The following SLC4A9 variants were observed in gnomAD, a reference collection of about 807,000 sequenced individuals.
SLC4A9 encodes the protein solute carrier family 4 member 9.
SLC4A9 carries 102 observed loss-of-function variants against 103.2 expected under a neutral mutation model. The observed-to-expected ratio is 0.99, with a 90% CI of 0.84 to 1.17. SLC4A9 has a LOEUF of 1.17. Ranked by LOEUF, SLC4A9 falls within the 50% of genes most tolerant of loss-of-function variation. The pLI is 0.00. For synonymous variants in SLC4A9, 453 were observed against 483.6 expected (o/e 0.94, Z 0.83); for missense variants, 1,091 against 1,193.7 (o/e 0.91, Z 1.27).
At chr5:140,370,464 C>CAAA (rs397976586) in intron 17 of SLC4A9, among the ~76,000 whole-genome samples, 168 of 90,898 alleles carry the variant, frequency 1.8e-3, no homozygotes, top group African/African-American at 6.4e-3. Context: ...AACTCCACCT[C>CAAA]AAAAAAAAAA....
chr5:140,361,268 G>T lies in SLC4A9; in HGVS notation c.406G>T (p.Val136Leu). The T allele has an allele frequency of 6.4e-7, 1 of 1,565,628 alleles. No individual in the cohort carries two copies. The highest frequency in any genetic ancestry group is 1.9e-5 in the Admixed American group (1 of 52,730). The change falls in exon 3 of 22, where the codon GTG (valine) becomes TTG (leucine). Residue 136 changes from valine (V) to leucine (L), a missense_variant. Physicochemically the swap from Val to Leu is conservative, Grantham distance 32. Transcript: ENST00000506757. ...LLELVEQVTRVESLSPELRGQ... is the reference protein window; with the variant it reads ...LLELVEQVTRLESLSPELRGQ... ...CCATTCTCCAGAGCAGGTGACCAGG[G>T]TGGAGTCGCTGAGCCCAGAGCTGAG... is the stretch of plus-strand genomic sequence containing the variant.
intron 21 of SLC4A9, among the ~76,000 whole-genome samples, chr5:140,374,507 A>T (rs1266298655): frequency 7.8e-6 from 1 of 127,594 alleles, no homozygotes; most frequent in African/African-American, 3.0e-5. Context: ...CCGAGATTGC[A>T]CCATTGCACT....
intron 2 of SLC4A9, 65 bp downstream of exon 2, chr5:140,361,037 C>A: frequency 7.0e-7 from 1 of 1,437,520 alleles, no homozygotes. Flanking sequence ...ATTTCCCCTC[C>A]AAAGTCTTGA....
At chr5:140,370,043 C>T (rs550063263) in intron 17 of SLC4A9, among the ~76,000 whole-genome samples, 1 of 151,968 alleles carries the variant, frequency 6.6e-6, no homozygotes, top group Non-Finnish European at 1.5e-5. Flanking sequence ...AACAGAAAAC[C>T]CTAAACAAAA....
At position 140,362,247 on chromosome 5, in the gene SLC4A9, G is replaced by T. The variant is rs1767198311; in HGVS notation, c.719+73G>T. The T allele has an allele frequency of 2.8e-6, 4 of 1,423,898 alleles. No homozygotes were observed. The African/African-American group carries it at 5.8e-5, about 21-fold the overall frequency. 88.2% of individuals were successfully genotyped at this position (1,423,898 alleles called of 1,614,324 possible). On this transcript the variant is annotated intron_variant, in intron 5 of 21. Coordinates refer to ENST00000506757, the MANE Select transcript of SLC4A9 (RefSeq NM_031467.3). ...GGTCTTTACTGAGGAGGGGAAGGAG[G>T]GTCTCAGTCTGATTCTCTGAGGCTG...
chr5:140,364,713 G>A, intron 11 of SLC4A9, 88 bp downstream of exon 11: 1 of 1,489,614 alleles, frequency 6.7e-7, no homozygotes, highest in Non-Finnish European at 9.0e-7. Flanking sequence ...CCCTGGTTAA[G>A]TTCAGCAAAA....
rs756896762 is a variant in SLC4A9 at position 140,364,203 on chromosome 5, C to G, written c.1388+16C>G. ...CTTTCAGCAGGTAGGAGAGCTCCCCCCATCACCGGACCCTCACTAGTGCCA... is the reference window on the plus strand; with the variant it reads ...CTTTCAGCAGGTAGGAGAGCTCCCCGCATCACCGGACCCTCACTAGTGCCA... On this transcript the variant is annotated intron_variant, in intron 10 of 21. Coordinates refer to ENST00000506757, the MANE Select transcript of SLC4A9 (RefSeq NM_031467.3). 20 of 1,563,238 alleles carry G rather than the reference C, an allele frequency of 1.3e-5. No individual in the cohort carries two copies. The highest frequency in any genetic ancestry group is 4.5e-5 in the East Asian group (2 of 44,428).
chr5:140,362,979 T>G lies in SLC4A9; in HGVS notation c.875T>G (p.Leu292Arg). 1 of 1,613,164 alleles carries G rather than the reference T, an allele frequency of 6.2e-7. No homozygotes were observed. The highest frequency in any genetic ancestry group is 8.5e-7 in the Non-Finnish European group (1 of 1,179,652). Residue 292 changes from leucine to arginine, a missense_variant, in exon 7 of 22, where the codon CTA becomes CGA. Leu to Arg is a moderately radical substitution (Grantham distance 102). Transcript: ENST00000506757. Reference protein sequence around the residue: ...HDLLAALDAFLEEVTVLPPGR... With the variant: ...HDLLAALDAFREEVTVLPPGR... ...CTTCTGGCAGCCCTGGATGCATTCC[T>G]AGAGGAGGTGACAGTGCTTCCCCCA...
chr5:140,366,138 C>T lies in SLC4A9; in HGVS notation c.1900-13C>T. On this transcript the variant is annotated splice_polypyrimidine_tract_variant and intron_variant, in intron 13 of 21. Transcript: ENST00000506757. ...GCAGGCCTGGACCTGACTGAGTGTC[C>T]ACTGTGTGCCAGGTGCGCAAAGGGC... is the stretch of plus-strand genomic sequence containing the variant. 1 of 1,611,940 alleles carries T rather than the reference C, an allele frequency of 6.2e-7. No homozygotes were observed. The highest frequency in any genetic ancestry group is 1.3e-5 in the African/African-American group (1 of 74,974).
At chr5:140,365,786 C>T (rs373786425) in intron 12 of SLC4A9, 48 bp from the exon 13 acceptor site, 88 of 1,576,482 alleles carry the variant, frequency 5.6e-5, no homozygotes, top group Non-Finnish European at 7.3e-5. Flanking sequence ...GAGAGCAGGA[C>T]ATTTACTCCA....
At position 140,363,503 on chromosome 5, in the gene SLC4A9, A is replaced by T; in HGVS notation, c.1027A>T (p.Arg343Trp). 6.4e-7 allele frequency: 1 copy of T among 1,551,568 alleles called. No homozygotes were observed. The highest frequency in any genetic ancestry group is 1.7e-4 in the Middle Eastern group (1 of 5,984). The change falls in exon 8 of 22, where the codon AGG becomes TGG. Residue 343 changes from arginine (R) to tryptophan (W), a missense_variant. Physicochemically the swap from Arg to Trp is moderately radical, Grantham distance 101. Coordinates refer to ENST00000506757, the MANE Select transcript of SLC4A9 (RefSeq NM_031467.3). This position sits in a 1 kb window ranked among gnomAD's most constrained non-coding sequence, Gnocchi z 4.5. ...CCCGCGCCTGACCTCGGCTGAGGAC[A>T]GGCACCGCCATGGGCCACACGCACA... ...AVPRLTSAED[R>W]HRHGPHAHSP...
chr5:140,366,103 AAG>A (rs745625398), intron 13 of SLC4A9, 46 bp from the exon 14 acceptor site: 14 of 1,608,584 alleles, frequency 8.7e-6, no homozygotes, highest in Non-Finnish European at 1.2e-5. Context: ...GGTGTGGAAA[AAG>A]AGAGATGGCA....
In SLC4A9 at chr5:140,363,425, C is replaced by T. The variant is rs1236969705; in HGVS notation, c.963-14C>T. On this transcript the variant is annotated splice_polypyrimidine_tract_variant and intron_variant, in intron 7 of 21. Transcript: ENST00000506757. This position sits in a 1 kb window ranked among gnomAD's most constrained non-coding sequence, Gnocchi z 4.5. ...GGAGATCCTCAGCCAACCTGGGGTT[C>T]CCCTCCTCCTCAGGCTTCCCTCGCA... is the stretch of plus-strand genomic sequence containing the variant. 2.6e-6 allele frequency: 4 copies of T among 1,549,996 alleles called. No individual in the cohort carries two copies. The highest frequency in any genetic ancestry group is 3.9e-5 in the Admixed American group (2 of 50,948).
At chr5:140,373,416 CAAAT>C (rs1769022928) in intron 21 of SLC4A9, among the ~76,000 whole-genome samples, 1 of 152,050 alleles carries the variant, frequency 6.6e-6, no homozygotes, top group Non-Finnish European at 1.5e-5. Flanking sequence ...GGAGAGTAGA[CAAAT>C]AAACAGACAA....
At position 140,364,385 on chromosome 5, in the gene SLC4A9, C is replaced by A. The variant is rs996101177; in HGVS notation, c.1411C>A (p.Pro471Thr). ...FSRDYSLDYL[P>T]FRLWVGIWVA... ...CAGAGATTACAGCCTGGACTACCTG[C>A]CCTTCCGCCTATGGGTGGGCATCTG... Residue 471 changes from proline to threonine, a missense_variant, in exon 11 of 22, where the codon CCC (proline) becomes ACC (threonine). Coordinates refer to ENST00000506757, the MANE Select transcript of SLC4A9 (RefSeq NM_031467.3). The A allele has an allele frequency of 6.2e-7, 1 of 1,613,122 alleles. No homozygotes were observed. Among genetic ancestry groups the A allele is most frequent in the South Asian group, 1.1e-5 (1 of 91,034 alleles).
intron 11 of SLC4A9, 83 bp downstream of exon 11, chr5:140,364,708 G>A: frequency 6.7e-7 from 1 of 1,499,458 alleles, no homozygotes; most frequent in South Asian, 1.3e-5. Context: ...ATCCCCCCTG[G>A]TTAAGTTCAG....
intron 17 of SLC4A9, among the ~76,000 whole-genome samples, chr5:140,368,979 T>C (rs1396888082): frequency 6.6e-6 from 1 of 152,126 alleles, no homozygotes. Context: ...CACCATCCCC[T>C]AGGGTCTAAG....
At position 140,360,877 on chromosome 5, in the gene SLC4A9, C is replaced by T. The variant is rs1193207991; in HGVS notation, c.296C>T (p.Thr99Ile). The change falls in exon 2 of 22, where the codon ACC (threonine) becomes ATC (isoleucine). Residue 99 changes from threonine to isoleucine, a missense_variant. Thr to Ile is a moderately conservative substitution (Grantham distance 89). Coordinates refer to ENST00000506757, the MANE Select transcript of SLC4A9 (RefSeq NM_031467.3). ...AGRWSAPHVPTLALPSLQKLR... is the reference protein window; with the variant it reads ...AGRWSAPHVPILALPSLQKLR... ...CGGTGGAGTGCCCCCCACGTGCCCA[C>T]CCTGGCACTGCCCAGCCTCCAGAAG... 6.2e-7 allele frequency: 1 copy of T among 1,611,804 alleles called. No individual in the cohort carries two copies. Among genetic ancestry groups the T allele is most frequent in the African/African-American group, 1.3e-5 (1 of 74,898 alleles).
chr5:140,374,224 G>C (rs1769156345), intron 21 of SLC4A9, among the ~76,000 whole-genome samples: 1 of 150,978 alleles, frequency 6.6e-6, no homozygotes, highest in Non-Finnish European at 1.5e-5. Flanking sequence ...TCTCTTTTAG[G>C]CCATAGAACA....
Sources: gnomAD v4.1 joint callset for allele counts (sites outside exome capture counted in the v4.1 genomes callset) on GRCh38, gnomAD v4.1.1 for gene constraint, Gnocchi (gnomAD v3.1) non-coding constraint, MANE v1.5 for transcripts, NCBI Gene and HGNC (gene_info 2026-07-23, HGNC 2026-07-21) for gene names.